The following GTPBP2 variants were observed in gnomAD, a reference collection of about 807,000 sequenced individuals.
The protein encoded by GTPBP2 is GTP binding protein 2.
GTPBP2 carries 32 observed loss-of-function variants against 63.0 expected under a neutral mutation model. The ratio of observed to expected loss-of-function variants is 0.51; its 90% CI spans 0.38 to 0.68. The LOEUF (loss-of-function observed/expected upper bound fraction) is 0.68, where lower values mean the gene tolerates loss of function less well. Among genes scored for constraint, GTPBP2 ranks in the 30% least tolerant of loss-of-function variants. The pLI is 0.00. For synonymous variants in GTPBP2, 310 were observed against 322.6 expected (o/e 0.96, Z 0.42); for missense variants, 492 against 796.9 (o/e 0.62, Z 4.61).
Position 43,628,393 on chromosome 6 carries a change from T to A in GTPBP2, c.186+584A>T, listed in dbSNP as rs547279654. On this transcript the variant is annotated intron_variant, in intron 1 of 11. Transcript: ENST00000307126. ...AATAAATAAATAAATAATAAAAAAATAAAATTGGCCAGGCGTTGGGGGCCA... is the reference window on the plus strand; with the variant it reads ...AATAAATAAATAAATAATAAAAAAAAAAAATTGGCCAGGCGTTGGGGGCCA... 1.0e-3 allele frequency: 180 copies of A among 178,970 alleles called. 1 individual carries two copies. Among genetic ancestry groups the A allele is most frequent in the African/African-American group, 3.9e-3 (163 of 41,916 alleles). The allele number at this position is 178,970 out of a possible 1,614,324, so 11.1% of individuals were successfully genotyped here. A position where few individuals can be genotyped will look rare whatever the true frequency, so the allele number is the denominator to read the frequency against.
chr6:43,628,415 G>T, intron 1 of GTPBP2: 1 of 256,392 alleles, frequency 3.9e-6, no homozygotes, highest in Non-Finnish European at 6.1e-6. Flanking sequence ...GGCGTTGGGG[G>T]CCAGCAATCC....
rs1387724727 is a variant in GTPBP2, at chr6:43,624,671, G to C, written c.939C>G (p.Ile313Met). 11 of 1,614,144 alleles carry C rather than the reference G, an allele frequency of 6.8e-6. No individual in the cohort carries two copies. The highest frequency in any genetic ancestry group is 3.3e-4 in the Middle Eastern group (2 of 6,034). ...LALALKVPFF[I>M]VVSKIDLCAK... ...CACATAGGTCGATCTTGCTGACCAC[G>C]ATGAAGAAGGGCACTTTCAGGGCCA... The change falls in exon 7 of 12, where the codon ATC becomes ATG. Residue 313 changes from isoleucine (I) to methionine (M), a missense_variant. Around this residue, in one of 2 missense-constraint regions of GTPBP2, gnomAD observed 400 missense variants for 710.8 expected, o/e 0.56. Coordinates refer to ENST00000307126, the MANE Select transcript of GTPBP2 (RefSeq NM_019096.5). This position sits in a 1 kb window ranked among gnomAD's most constrained non-coding sequence, Gnocchi z 5.1.
Position 43,625,272 on chromosome 6 carries a change from GTCTCCACAC to G in GTPBP2, c.705+82_705+90del. The G allele has an allele frequency of 7.9e-7, 1 of 1,269,644 alleles. No individual in the cohort carries two copies. The highest frequency in any genetic ancestry group is 1.2e-5 in the South Asian group (1 of 80,478). 78.6% of individuals were successfully genotyped at this position (1,269,644 alleles called of 1,614,324 possible). A position where few individuals can be genotyped will look rare whatever the true frequency, so the allele number is the denominator to read the frequency against. The stretch of plus-strand genomic sequence containing the variant: ...GCATTCATCTATACTATTTCAAAAA[GTCTCCACAC>G]TCTACCCCCATCCTATGTCCTTCAC... On this transcript the variant is annotated intron_variant, in intron 5 of 11. Coordinates refer to ENST00000307126, the MANE Select transcript of GTPBP2 (RefSeq NM_019096.5). The surrounding 1 kb of genome is among the most constrained non-coding windows in gnomAD (Gnocchi z 5.1).
Position 43,625,103 on chromosome 6 carries a change from C to A in GTPBP2, c.706-41G>T, listed in dbSNP as rs750990756. On this transcript the variant is annotated intron_variant, in intron 5 of 11. Coordinates refer to ENST00000307126, the MANE Select transcript of GTPBP2 (RefSeq NM_019096.5). The surrounding 1 kb of genome is among the most constrained non-coding windows in gnomAD (Gnocchi z 5.1). ...GGGCCCTCAGTGCCTCCTGCCAGCC[C>A]TTCCAACCCCTTCAGAGTTGCCAGG... 1 of 1,586,624 alleles carries A rather than the reference C, an allele frequency of 6.3e-7. No individual in the cohort carries two copies.
In GTPBP2 at chr6:43,621,788, G is replaced by C; in HGVS notation, c.1635C>G (p.Asp545Glu). The change falls in exon 12 of 12, where the codon GAC becomes GAG. Residue 545 changes from aspartate to glutamate, a missense_variant and splice_region_variant. By Grantham distance (45) the Asp-to-Glu change is conservative. This residue lies in a region of GTPBP2 where 400 missense variants were observed against 710.8 expected (regional missense o/e 0.56). Transcript: ENST00000307126. ...TAVVEKIHAK[D>E]KLRTGEKAVV... ...CTGCCTTCTCGCCTGTCCGCAGTTTGTCCTGCAGCAAATAAGTGGTCACTC... is the reference window on the plus strand; with the variant it reads ...CTGCCTTCTCGCCTGTCCGCAGTTTCTCCTGCAGCAAATAAGTGGTCACTC... The C allele has an allele frequency of 1.2e-6, 2 of 1,614,166 alleles. No homozygotes were observed. The highest frequency in any genetic ancestry group is 1.7e-6 in the Non-Finnish European group (2 of 1,180,024).
At chr6:43,629,279 C>T (rs1769738291), upstream of GTPBP2, 3 of 759,306 alleles carry the variant, frequency 4.0e-6, no homozygotes, top group Non-Finnish European at 5.8e-6. Flanking sequence ...TGGGGCTCTG[C>T]ACAAGCTACG....
rs1361232717 is a variant in GTPBP2, at chr6:43,621,686, G to C, written c.1737C>G (p.Thr579=). 6.2e-7 allele frequency: 1 copy of C among 1,614,202 alleles called. No individual in the cohort carries two copies. The highest frequency in any genetic ancestry group is 8.5e-7 in the Non-Finnish European group (1 of 1,180,042). ...GAKLLFREGV[T]KGIGHVTDVQ... is the part of the protein sequence containing the mutation. ...CATCAGTGACATGGCCGATGCCCTT[G>C]GTGACACCCTCCCGGAACAGCAGTT... Residue 579 remains threonine, a synonymous_variant, in exon 12 of 12, where the codon ACC becomes ACG. Transcript: ENST00000307126.
rs758544184 is a variant in GTPBP2 at position 43,625,521 on chromosome 6, A to C, written c.547T>G (p.Ser183Ala). Residue 183 changes from serine to alanine, a missense_variant, in exon 5 of 12, where the codon TCT becomes GCT. Physicochemically the swap from Ser to Ala is moderately conservative, Grantham distance 99. This residue lies in a region of GTPBP2 where 400 missense variants were observed against 710.8 expected (regional missense o/e 0.56). Transcript: ENST00000307126. This position sits in a 1 kb window ranked among gnomAD's most constrained non-coding sequence, Gnocchi z 5.1. The part of the protein sequence containing the change: ...LRVAVLGNVD[S>A]GKSTLLGVLT... ...ACTCCAAGCAGAGTTGACTTCCCAG[A>C]GTCCACATTCCCCAGGACGGCCACA... 5.0e-6 allele frequency: 8 copies of C among 1,614,096 alleles called. No homozygotes were observed. The highest frequency in any genetic ancestry group is 6.8e-6 in the Non-Finnish European group (8 of 1,179,966).
chr6:43,628,552 G>A, intron 1 of GTPBP2: 4 of 983,632 alleles, frequency 4.1e-6, no homozygotes, highest in Non-Finnish European at 4.8e-6. Flanking sequence ...GTGTCCGTGT[G>A]GAACATATTG....
At position 43,621,874 on chromosome 6, in the gene GTPBP2, C is replaced by T. The variant is rs550343959; in HGVS notation, c.1633-84G>A. 19 of 1,606,572 alleles carry T rather than the reference C, an allele frequency of 1.2e-5. No individual in the cohort carries two copies. The East Asian group carries it at 4.0e-4, about 34-fold the overall frequency. On this transcript the variant is annotated intron_variant, in intron 11 of 11. Transcript: ENST00000307126. ...CCGTGGCTCTCCACCCTCCAGAGGC[C>T]TATCAGGCCGCTACCCACCCTAAGT... is the stretch of plus-strand genomic sequence containing the variant.
chr6:43,625,040 C>T lies in GTPBP2; in HGVS notation c.728G>A (p.Arg243Gln), dbSNP rs1769182824. 3.7e-6 allele frequency: 6 copies of T among 1,613,746 alleles called. No homozygotes were observed. The highest frequency in any genetic ancestry group is 1.1e-5 in the South Asian group (1 of 91,078). ...GCTCTCACAGATCTCTTCTGCTGTCCGTGAGTCGCTGTAATTCACCACCTG... is the reference window on the plus strand; with the variant it reads ...GCTCTCACAGATCTCTTCTGCTGTCTGTGAGTCGCTGTAATTCACCACCTG... ...KGEVVNYSDS[R>Q]TAEEICESSS... is the part of the protein sequence containing the mutation. The change falls in exon 6 of 12, where the codon CGG becomes CAG. Residue 243 changes from arginine to glutamine, a missense_variant. Around this residue, in one of 2 missense-constraint regions of GTPBP2, gnomAD observed 400 missense variants for 710.8 expected, o/e 0.56. Transcript: ENST00000307126. The surrounding 1 kb of genome is among the most constrained non-coding windows in gnomAD (Gnocchi z 5.1).
In GTPBP2 at chr6:43,620,553, GTA is replaced by G. The variant is rs112927783; in HGVS notation, c.*1059_*1060del. 121 of 156,650 alleles carry G rather than the reference GTA, an allele frequency of 7.7e-4. No individual in the cohort carries two copies. The highest frequency in any genetic ancestry group is 3.3e-3 in the South Asian group (20 of 5,998). 9.7% of individuals were successfully genotyped at this position (156,650 alleles called of 1,614,324 possible). A position where few individuals can be genotyped will look rare whatever the true frequency, so the allele number is the denominator to read the frequency against. ...TGTGTATTTAAATATATATACATATGTATATATATATATATGCACAGAGAAAC... is the reference window on the plus strand; with the variant it reads ...TGTGTATTTAAATATATATACATATGTATATATATATATGCACAGAGAAAC... On this transcript the variant is annotated 3_prime_UTR_variant, in exon 12 of 12. Coordinates refer to ENST00000307126, the MANE Select transcript of GTPBP2 (RefSeq NM_019096.5).
chr6:43,631,262 G>T (rs1038106829), upstream of GTPBP2, among the ~76,000 whole-genome samples: 26 of 152,176 alleles, frequency 1.7e-4, no homozygotes, highest in South Asian at 3.5e-3. Flanking sequence ...ATGCCGTAGA[G>T]GTCAATGCTA....
rs1465411195 is a variant in GTPBP2, at chr6:43,621,772, C to T, written c.1651G>A (p.Glu551Lys). Residue 551 changes from glutamate (E) to lysine (K), a missense_variant, in exon 12 of 12, where the codon GAG becomes AAG. Physicochemically the swap from Glu to Lys is moderately conservative, Grantham distance 56 (BLOSUM62 1). This residue lies in a region of GTPBP2 where 400 missense variants were observed against 710.8 expected (regional missense o/e 0.56). Coordinates refer to ENST00000307126, the MANE Select transcript of GTPBP2 (RefSeq NM_019096.5). The part of the protein sequence containing the change: ...IHAKDKLRTG[E>K]KAVVRFRFLK... Reference sequence around the variant, plus strand: ...AAGCGGAAACGTACCACTGCCTTCTCGCCTGTCCGCAGTTTGTCCTGCAGC... The same window carrying T: ...AAGCGGAAACGTACCACTGCCTTCTTGCCTGTCCGCAGTTTGTCCTGCAGC... 2 of 1,614,196 alleles carry T rather than the reference C, an allele frequency of 1.2e-6. No individual in the cohort carries two copies. The highest frequency in any genetic ancestry group is 1.7e-6 in the Non-Finnish European group (2 of 1,180,034).
At chr6:43,623,482 C>A in intron 9 of GTPBP2, 1 of 544,762 alleles carries the variant, frequency 1.8e-6, no homozygotes, top group East Asian at 3.0e-5. Context: ...CTCTAGTTTT[C>A]TTCCTGGAGC....
In GTPBP2 at chr6:43,626,794, C is replaced by G; in HGVS notation, c.213+128G>C. 1.3e-6 allele frequency: 1 copy of G among 778,126 alleles called. No homozygotes were observed. Among genetic ancestry groups the G allele is most frequent in the Non-Finnish European group, 2.1e-6 (1 of 477,890 alleles). The allele number at this position is 778,126 out of a possible 1,614,324, so 48.2% of individuals were successfully genotyped here. A position where few individuals can be genotyped will look rare whatever the true frequency, so the allele number is the denominator to read the frequency against. ...GAGAATCTGAGATTGCGCCACTGCA[C>G]TCCAGCCTAGGCAACAAGAGCAAAA... On this transcript the variant is annotated intron_variant, in intron 2 of 11. Transcript: ENST00000307126. This position sits in a 1 kb window ranked among gnomAD's most constrained non-coding sequence, Gnocchi z 4.0.
rs1340910579 is a variant in GTPBP2 at position 43,624,441 on chromosome 6, T to C, written c.1100+69A>G. The C allele has an allele frequency of 5.2e-6, 6 of 1,157,724 alleles. No individual in the cohort carries two copies. The highest frequency in any genetic ancestry group is 3.6e-5 in the Admixed American group (2 of 56,204). The allele number at this position is 1,157,724 out of a possible 1,614,324, so 71.7% of individuals were successfully genotyped here. The stretch of plus-strand genomic sequence containing the variant: ...CTGGCCCTGGAGAAGTAGGATATCA[T>C]GCTTCTGGGCCCTGGGCTCTGTGGC... On this transcript the variant is annotated intron_variant, in intron 7 of 11. Transcript: ENST00000307126. The surrounding 1 kb of genome is among the most constrained non-coding windows in gnomAD (Gnocchi z 5.1).
chr6:43,623,270 T>C (rs1768957827), intron 9 of GTPBP2: 1 of 174,764 alleles, frequency 5.7e-6, no homozygotes, highest in African/African-American at 2.4e-5. Flanking sequence ...TAGGCGCCTG[T>C]AATTCCAGCT....
intron 1 of GTPBP2, 61 bp downstream of exon 1, chr6:43,628,916 C>G: frequency 6.5e-7 from 1 of 1,538,170 alleles, no homozygotes; most frequent in Admixed American, 1.7e-5. Flanking sequence ...GTCCCGCCTC[C>G]CTAGAGTCCT....
Sources: allele counts gnomAD v4.1 joint callset (sites outside exome capture counted in the v4.1 genomes callset), GRCh38; gene constraint gnomAD v4.1.1; regional missense constraint gnomAD v4.1.1; non-coding constraint Gnocchi (gnomAD v3.1); transcripts MANE v1.5; gene names NCBI Gene and HGNC (gene_info 2026-07-23, HGNC 2026-07-21).